Variants in PSMD5 observed in about 807,000 individuals in gnomAD.
PSMD5 encodes proteasome 26S subunit, non-ATPase 5, also known as 26S proteasome non-ATPase regulatory subunit 5.
In PSMD5, 40 loss-of-function variants were observed where a neutral mutation model predicts 52.1. That is an observed-to-expected ratio of 0.77 (90% CI 0.60 to 1.00). The LOEUF (loss-of-function observed/expected upper bound fraction) is 1.00, where lower values mean the gene tolerates loss of function less well. Among genes scored for constraint, PSMD5 ranks in the 50% least tolerant of loss-of-function variants. The pLI is 0.00. For missense variants in PSMD5, 575 were observed against 605.2 expected, an observed-to-expected ratio of 0.95 and a Z score of 0.52; for synonymous variants, 211 against 226.6, an observed-to-expected ratio of 0.93 and a Z score of 0.62.
chr9:120,833,617 T>A (rs2045176495), intron 1 of PSMD5, among the ~76,000 whole-genome samples, 161 bp from the exon 2 acceptor site: 1 of 151,952 alleles, frequency 6.6e-6, no homozygotes, highest in Non-Finnish European at 1.5e-5. Context: ...GTACCTATTA[T>A]GCGCATTGCC....
Position 120,834,361 on chromosome 9 carries a change from G to A in PSMD5, c.174-905C>T, listed in dbSNP as rs547235891. 3.3e-5 allele frequency among the ~76,000 whole-genome samples: 5 copies of A among 152,012 alleles called. No homozygotes were observed. In the East Asian group the frequency reaches 9.9e-4, roughly 30 times the overall value. On this transcript the variant is annotated intron_variant, in intron 1 of 9. Coordinates refer to ENST00000210313, the MANE Select transcript of PSMD5 (RefSeq NM_005047.4). Reference sequence around the variant, plus strand: ...GCAACTGTAATCCAGATAAATAAACGCTATGGGCTAAGACTAGAAACTATA... The same window carrying A: ...GCAACTGTAATCCAGATAAATAAACACTATGGGCTAAGACTAGAAACTATA...
intron 1 of PSMD5, among the ~76,000 whole-genome samples, chr9:120,839,946 C>G (rs1029066698): frequency 6.6e-6 from 1 of 150,724 alleles, no homozygotes; most frequent in Non-Finnish European, 1.5e-5. Flanking sequence ...CATGGTGAAA[C>G]TGCATCTCTA....
At position 120,829,225 on chromosome 9, in the gene PSMD5, A is replaced by C. The variant is rs1554812959; in HGVS notation, c.562-17T>G. On this transcript the variant is annotated splice_polypyrimidine_tract_variant and intron_variant, in intron 4 of 9. Coordinates refer to ENST00000210313, the MANE Select transcript of PSMD5 (RefSeq NM_005047.4). ...TATAATTAGCTGAAATAAAAAAAAA[A>C]ACACAGAAAAAAGAAAAAGGTCAAA... 7 of 1,565,972 alleles carry C rather than the reference A, an allele frequency of 4.5e-6. No individual in the cohort carries two copies. Among genetic ancestry groups the C allele is most frequent in the Admixed American group, 2.0e-5 (1 of 50,256 alleles).
At chr9:120,836,024 A>T (rs112079501) in intron 1 of PSMD5, among the ~76,000 whole-genome samples, 1,735 of 152,196 alleles carry the variant, frequency 0.011, 46 homozygotes, top group African/African-American at 0.039. Flanking sequence ...CTCCCCAAGC[A>T]CCTGGCAACC....
chr9:120,842,922 C>T lies in PSMD5; in HGVS notation c.-13G>A, dbSNP rs761260754. The T allele has an allele frequency of 6.4e-6, 10 of 1,566,480 alleles. No homozygotes were observed. The highest frequency in any genetic ancestry group is 7.7e-6 in the Non-Finnish European group (9 of 1,162,636). On this transcript the variant is annotated 5_prime_UTR_variant, in exon 1 of 10. Transcript: ENST00000210313. ...CCTGGGCTGCCATCTTGCCCCCCGACGCAGGGGCTGGCCCAGCGGCCCAGT... is the reference window on the plus strand; with the variant it reads ...CCTGGGCTGCCATCTTGCCCCCCGATGCAGGGGCTGGCCCAGCGGCCCAGT...
chr9:120,819,273 C>T (rs554298490), intron 9 of PSMD5, among the ~76,000 whole-genome samples: 1 of 152,300 alleles, frequency 6.6e-6, no homozygotes, highest in South Asian at 2.1e-4. Context: ...TGCCCCACAA[C>T]TACTGAATTA....
chr9:120,834,330 A>G (rs1392891098), intron 1 of PSMD5, among the ~76,000 whole-genome samples: 3 of 152,178 alleles, frequency 2.0e-5, no homozygotes, highest in Non-Finnish European at 4.4e-5. Context: ...GATACAGAAA[A>G]AAAAGGCAAC....
At chr9:120,819,026 C>T (rs192908869) in intron 9 of PSMD5, among the ~76,000 whole-genome samples, 2 of 152,112 alleles carry the variant, frequency 1.3e-5, no homozygotes, top group African/African-American at 2.4e-5. Flanking sequence ...AATAAACACA[C>T]ACTAATACAA....
At chr9:120,835,553 C>A (rs1278139574) in intron 1 of PSMD5, among the ~76,000 whole-genome samples, 1 of 151,902 alleles carries the variant, frequency 6.6e-6, no homozygotes, top group Non-Finnish European at 1.5e-5. Flanking sequence ...GGTGAAACCC[C>A]ATCTCAACTA....
chr9:120,818,190 A>G (rs771242905), intron 9 of PSMD5, 27 bp from the exon 10 acceptor site: 3 of 1,592,552 alleles, frequency 1.9e-6, no homozygotes, highest in Non-Finnish European at 1.7e-6. Context: ...AAAGAATACA[A>G]TTCCCCTGAG....
At chr9:120,821,014 T>C (rs1398327228) in intron 8 of PSMD5, 35 bp from the exon 9 acceptor site, 48 of 1,547,986 alleles carry the variant, frequency 3.1e-5, no homozygotes, top group Non-Finnish European at 3.8e-5. Flanking sequence ...CATCAAAAGT[T>C]AACTGATCTG....
In PSMD5 at chr9:120,833,440, A is replaced by G; in HGVS notation, c.190T>C (p.Cys64Arg). 6.2e-7 allele frequency: 1 copy of G among 1,613,690 alleles called. No homozygotes were observed. The highest frequency in any genetic ancestry group is 8.5e-7 in the Non-Finnish European group (1 of 1,179,752). Residue 64 changes from cysteine (C) to arginine (R), a missense_variant, in exon 2 of 10, where the codon TGT (cysteine) becomes CGT (arginine). Transcript: ENST00000210313. ...AGCAATCTCTCCAGAATGGATACAC[A>G]CAAAGTAGTCTTTTCCCTGAAGGAG... Reference protein sequence around the residue: ...NENHREKTTLCVSILERLLQA... With the variant: ...NENHREKTTLRVSILERLLQA...
In PSMD5 at chr9:120,824,638, G is replaced by C; in HGVS notation, c.862C>G (p.Gln288Glu). The part of the protein sequence containing the change: ...GNLAVMDSPQ[Q>E]ICERYPIFVE... Reference sequence around the variant, plus strand: ...AAGATAGGATAACGCTCACAGATCTGTTGAGGACTATCCATGACAGCCAGG... The same window carrying C: ...AAGATAGGATAACGCTCACAGATCTCTTGAGGACTATCCATGACAGCCAGG... The change falls in exon 7 of 10, where the codon CAG becomes GAG. Residue 288 changes from glutamine to glutamate, a missense_variant. Physicochemically the swap from Gln to Glu is conservative, Grantham distance 29 (BLOSUM62 2). Transcript: ENST00000210313. 6.2e-7 allele frequency: 1 copy of C among 1,613,818 alleles called. No homozygotes were observed. The highest frequency in any genetic ancestry group is 8.5e-7 in the Non-Finnish European group (1 of 1,179,958).
intron 1 of PSMD5, among the ~76,000 whole-genome samples, chr9:120,840,258 G>A (rs1210675400): frequency 6.6e-6 from 1 of 151,064 alleles, no homozygotes; most frequent in African/African-American, 2.4e-5. Context: ...TAAGTAGCTG[G>A]GACTATAGGC....
chr9:120,825,925 T>C (rs945646601), intron 6 of PSMD5, among the ~76,000 whole-genome samples: 1 of 152,138 alleles, frequency 6.6e-6, no homozygotes, highest in Non-Finnish European at 1.5e-5. Flanking sequence ...TCTTGCCTAA[T>C]TGCTCTGGCT....
intron 1 of PSMD5, among the ~76,000 whole-genome samples, chr9:120,835,679 A>G (rs967310756): frequency 1.3e-5 from 2 of 152,068 alleles, no homozygotes; most frequent in Admixed American, 1.3e-4. Flanking sequence ...CAGTGAGTCG[A>G]GATAGCGCCA....
chr9:120,823,991 G>A (rs1283983833), intron 7 of PSMD5: 1 of 152,700 alleles, frequency 6.5e-6, no homozygotes, highest in Non-Finnish European at 1.5e-5. Flanking sequence ...CAAAGTCAGG[G>A]CTGGATACAA....
Position 120,824,584 on chromosome 9 carries a change from T to G in PSMD5, c.916A>C (p.Ser306Arg), listed in dbSNP as rs912252355. 2 of 1,614,216 alleles carry G rather than the reference T, an allele frequency of 1.2e-6. No homozygotes were observed. The highest frequency in any genetic ancestry group is 1.7e-6 in the Non-Finnish European group (2 of 1,180,022). ...FVEKVFEMIE[S>R]QDPTMIGVAV... Reference sequence around the variant, plus strand: ...ACACCAATCATAGTGGGGTCCTGACTTTCTATCATTTCAAAGACTTTTTCC... The same window carrying G: ...ACACCAATCATAGTGGGGTCCTGACGTTCTATCATTTCAAAGACTTTTTCC... The change falls in exon 7 of 10, where the codon AGT becomes CGT. Residue 306 changes from serine to arginine, a missense_variant. By Grantham distance (110) the Ser-to-Arg change is moderately radical (BLOSUM62 -1). Transcript: ENST00000210313.
intron 1 of PSMD5, among the ~76,000 whole-genome samples, chr9:120,835,458 C>T (rs182418876): frequency 1.4e-4 from 21 of 152,284 alleles, no homozygotes; most frequent in African/African-American, 4.8e-4. Context: ...GGCTCGGTGA[C>T]TCACGCCTGT....
Sources: gnomAD v4.1 joint callset for allele counts (sites outside exome capture counted in the v4.1 genomes callset) on GRCh38, gnomAD v4.1.1 for gene constraint, MANE v1.5 for transcripts, NCBI Gene and HGNC (gene_info 2026-07-23, HGNC 2026-07-21) for gene names.